The following PRKN variants were observed in gnomAD, a reference collection of about 807,000 sequenced individuals.
PRKN encodes parkin RBR E3 ubiquitin protein ligase.
A neutral mutation model predicts 59.5 loss-of-function variants in PRKN; 56 were observed. The ratio of observed to expected loss-of-function variants is 0.94; its 90% CI spans 0.76 to 1.18. The LOEUF is 1.18. Among genes scored for constraint, PRKN ranks in the 50% most tolerant of loss-of-function variants. The probability of loss-of-function intolerance (pLI) is 0.00; values close to 1 mark genes in which losing one functional copy is unlikely to be tolerated. For missense variants in PRKN, 657 were observed against 596.4 expected (o/e 1.10, Z -1.06); for synonymous variants, 250 against 222.1 (o/e 1.13, Z -1.12).
At chr6:161,631,227 CATAG>C (rs1418228269) in intron 7 of PRKN, among the ~76,000 whole-genome samples, 6 of 152,182 alleles carry the variant, frequency 3.9e-5, no homozygotes, top group African/African-American at 1.4e-4. Context: ...TGTGGGATTC[CATAG>C]ATAGAATTTT....
chr6:161,763,539 C>T (rs1041735039), intron 7 of PRKN, among the ~76,000 whole-genome samples: 5 of 152,100 alleles, frequency 3.3e-5, no homozygotes, highest in Admixed American at 2.6e-4. Flanking sequence ...ATTTCCTCAG[C>T]GACCACGTTG....
chr6:162,106,966 G>C (rs1780215314), intron 4 of PRKN, among the ~76,000 whole-genome samples: 1 of 152,116 alleles, frequency 6.6e-6, no homozygotes, highest in African/African-American at 2.4e-5. Flanking sequence ...AAAAGCTTCA[G>C]GTTACCTGTG....
intron 2 of PRKN, among the ~76,000 whole-genome samples, chr6:162,301,777 C>T (rs1265477024): frequency 1.5e-5 from 1 of 67,386 alleles, no homozygotes; most frequent in African/African-American, 6.1e-5. Flanking sequence ...AATAAATTGG[C>T]CGGGGCGGGG....
At position 162,505,964 on chromosome 6, in the gene PRKN, G is replaced by A. The variant is rs572385261; in HGVS notation, c.8-62491C>T. Among the ~76,000 whole-genome samples the A allele has an allele frequency of 1.4e-4, 21 of 152,274 alleles. No individual in the cohort carries two copies. In the South Asian group the frequency reaches 4.4e-3, roughly 32 times the overall value. On this transcript the variant is annotated intron_variant, in intron 1 of 11. Transcript: ENST00000366898. ...TGTAAGGCAGGAGAGATGGGAGGCA[G>A]GGGCAACAAGTTCCTATATTGCTTC...
At chr6:162,333,884 A>C (rs942074820) in intron 2 of PRKN, among the ~76,000 whole-genome samples, 1 of 152,192 alleles carries the variant, frequency 6.6e-6, no homozygotes, top group African/African-American at 2.4e-5. Context: ...AACTTCATGA[A>C]GGCAATGAAA....
At chr6:161,831,127 A>T (rs1024515451) in intron 6 of PRKN, among the ~76,000 whole-genome samples, 1 of 152,242 alleles carries the variant, frequency 6.6e-6, no homozygotes, top group Non-Finnish European at 1.5e-5. Context: ...AAGGGGATTG[A>T]ACTCACATAC....
chr6:162,694,513 T>C (rs1441776694), intron 1 of PRKN, among the ~76,000 whole-genome samples: 2 of 152,158 alleles, frequency 1.3e-5, no homozygotes, highest in African/African-American at 2.4e-5. Flanking sequence ...CCTTGAACCA[T>C]AGTGACTCTC....
At chr6:162,023,638 G>A (rs1019859545) in intron 5 of PRKN, among the ~76,000 whole-genome samples, 13 of 152,242 alleles carry the variant, frequency 8.5e-5, no homozygotes, top group African/African-American at 3.1e-4. Flanking sequence ...GGCCGTCTGT[G>A]TGTCTGCCTG....
At chr6:162,035,294 T>A (rs1405990721) in intron 5 of PRKN, among the ~76,000 whole-genome samples, 1 of 152,174 alleles carries the variant, frequency 6.6e-6, no homozygotes, top group Non-Finnish European at 1.5e-5. Context: ...TCCCCATGAC[T>A]CGAACATCTC....
rs912566647 is a variant in PRKN at position 161,359,086 on chromosome 6, G to T, written c.1285+1002C>A. Among the ~76,000 whole-genome samples, 1 of 152,040 alleles carries T rather than the reference G, an allele frequency of 6.6e-6. No homozygotes were observed. Among genetic ancestry groups the T allele is most frequent in the Non-Finnish European group, 1.5e-5 (1 of 68,006 alleles). Reference sequence around the variant, plus strand: ...TGGGATTACAGGCGTGAGCCACCGCGCCCGGCCGCCTTCTGCTCTTTATAG... The same window carrying T: ...TGGGATTACAGGCGTGAGCCACCGCTCCCGGCCGCCTTCTGCTCTTTATAG... On this transcript the variant is annotated intron_variant, in intron 11 of 11. Transcript: ENST00000366898. The surrounding 1 kb of genome is among the most constrained non-coding windows in gnomAD (Gnocchi z 5.4).
chr6:161,549,451 T>C lies in PRKN; in HGVS notation c.934-448A>G, dbSNP rs1779921310. 6.6e-6 allele frequency among the ~76,000 whole-genome samples: 1 copy of C among 152,152 alleles called. No homozygotes were observed. Among genetic ancestry groups the C allele is most frequent in the South Asian group, 2.1e-4 (1 of 4,826 alleles). On this transcript the variant is annotated intron_variant, in intron 8 of 11. Coordinates refer to ENST00000366898, the MANE Select transcript of PRKN (RefSeq NM_004562.3). This position sits in a 1 kb window ranked among gnomAD's most constrained non-coding sequence, Gnocchi z 6.0. ...CCTCTATTTAAAATTCAACAAGGTT[T>C]TATATTTATTTTGAAAATCGGCCCA...
rs1203708247 is a variant in PRKN at position 161,466,166 on chromosome 6, G to A, written c.1084-79289C>T. On this transcript the variant is annotated intron_variant, in intron 9 of 11. Coordinates refer to ENST00000366898, the MANE Select transcript of PRKN (RefSeq NM_004562.3). This position sits in a 1 kb window ranked among gnomAD's most constrained non-coding sequence, Gnocchi z 5.0. ...CATTATTAACTCTAGTCACCATGCT[G>A]TACATTAGATCCCCCTGTGTTTCTA... Among the ~76,000 whole-genome samples the A allele has an allele frequency of 6.6e-6, 1 of 152,032 alleles. No homozygotes were observed. The highest frequency in any genetic ancestry group is 1.5e-5 in the Non-Finnish European group (1 of 68,018).
intron 6 of PRKN, among the ~76,000 whole-genome samples, chr6:161,837,383 T>C (rs1458706076): frequency 6.6e-6 from 1 of 152,180 alleles, no homozygotes; most frequent in Non-Finnish European, 1.5e-5. Flanking sequence ...TGTTTGTTTT[T>C]TAAAATTCAG....
At chr6:161,438,297 A>C (rs908192064) in intron 9 of PRKN, among the ~76,000 whole-genome samples, 1 of 141,344 alleles carries the variant, frequency 7.1e-6, no homozygotes, top group Non-Finnish European at 1.5e-5. Flanking sequence ...GACTCACTGC[A>C]ACCTCCGCCT....
intron 5 of PRKN, among the ~76,000 whole-genome samples, chr6:162,024,175 C>T (rs549720695): frequency 6.7e-5 from 10 of 148,856 alleles, no homozygotes; most frequent in Admixed American, 5.4e-4. Flanking sequence ...CCCTCCCTTC[C>T]TCCCTCCCTC....
At chr6:162,445,925 T>C (rs10455911) in intron 1 of PRKN, among the ~76,000 whole-genome samples, 48,304 of 151,610 alleles carry the variant, frequency 0.32, 7,901 homozygotes, top group Non-Finnish European at 0.33. Flanking sequence ...GGGCAGGTGG[T>C]CCAGATGGCA....
At chr6:161,490,330 TTGCTTG>T (rs1438068911) in intron 9 of PRKN, among the ~76,000 whole-genome samples, 5 of 145,552 alleles carry the variant, frequency 3.4e-5, no homozygotes, top group Admixed American at 6.8e-5. Flanking sequence ...GCTTGCTTGC[TTGCTTG>T]CTTTCTCTCT....
At chr6:162,331,915 T>C (rs1783597607) in intron 2 of PRKN, among the ~76,000 whole-genome samples, 1 of 152,218 alleles carries the variant, frequency 6.6e-6, no homozygotes, top group Admixed American at 6.5e-5. Flanking sequence ...TGTTAACCAA[T>C]AAAGTCAAAA....
chr6:161,845,259 T>C (rs1002459996), intron 6 of PRKN, among the ~76,000 whole-genome samples: 5 of 152,194 alleles, frequency 3.3e-5, no homozygotes, highest in African/African-American at 9.7e-5. Flanking sequence ...CAGTAGCCTC[T>C]AGGCTGGTGG....
Sources: gnomAD v4.1 joint callset for allele counts (sites outside exome capture counted in the v4.1 genomes callset) on GRCh38, gnomAD v4.1.1 for gene constraint, Gnocchi (gnomAD v3.1) non-coding constraint, MANE v1.5 for transcripts, NCBI Gene and HGNC (gene_info 2026-07-23, HGNC 2026-07-21) for gene names.